Variants in RFX4 observed in about 807,000 individuals in gnomAD.
RFX4 encodes the protein transcription factor RFX4.
In RFX4, 10 loss-of-function variants were observed where a neutral mutation model predicts 95.0. The ratio of observed to expected loss-of-function variants is 0.11; its 90% CI spans 0.06 to 0.18. The LOEUF is 0.18. Among genes scored for constraint, RFX4 ranks in the 10% least tolerant of loss-of-function variants. The pLI is 1.00. For synonymous variants in RFX4, 321 were observed against 340.7 expected (o/e 0.94, Z 0.64); for missense variants, 640 against 922.0 (o/e 0.69, Z 3.96).
At position 106,753,684 on chromosome 12, in the gene RFX4, T is replaced by C. The variant is rs138260775; in HGVS notation, c.1935+2891T>C. Among the ~76,000 whole-genome samples the C allele has an allele frequency of 6.2e-3, 941 of 152,162 alleles. 4 individuals carry two copies. Among genetic ancestry groups the C allele is most frequent in the Admixed American group, 0.01 (156 of 15,282 alleles). The stretch of plus-strand genomic sequence containing the variant: ...GACTCACAGTAACCTGCCTGAGGGG[T>C]TGAACCCAGGCGCTGTGACTCCTGT... On this transcript the variant is annotated intron_variant, in intron 17 of 17. Coordinates refer to ENST00000392842, the MANE Select transcript of RFX4 (RefSeq NM_213594.3).
intron 4 of RFX4, among the ~76,000 whole-genome samples, chr12:106,676,392 A>G (rs151166689): frequency 5.8e-4 from 88 of 152,316 alleles, no homozygotes; most frequent in African/African-American, 2.1e-3. Context: ...AGATGGAAGC[A>G]AAGAGTGGTG....
intron 1 of RFX4, among the ~76,000 whole-genome samples, chr12:106,604,422 G>A (rs762425297): frequency 1.3e-4 from 19 of 151,860 alleles, no homozygotes; most frequent in South Asian, 2.1e-4. Flanking sequence ...ACACCTGGCC[G>A]CTACAGCTTC....
Position 106,732,096 on chromosome 12 carries a change from G to T in RFX4, c.1352-34G>T. On this transcript the variant is annotated intron_variant, in intron 13 of 17. Coordinates refer to ENST00000392842, the MANE Select transcript of RFX4 (RefSeq NM_213594.3). Reference sequence around the variant, plus strand: ...AGAGGGGGCATACACGAGACAGCACGACTTACTTTCTGTTTGATCCTTTTT... The same window carrying T: ...AGAGGGGGCATACACGAGACAGCACTACTTACTTTCTGTTTGATCCTTTTT... The T allele has an allele frequency of 1.9e-6, 3 of 1,608,666 alleles. No homozygotes were observed. The South Asian group carries it at 3.3e-5, about 18-fold the overall frequency.
intron 15 of RFX4, 66 bp downstream of exon 15, chr12:106,733,151 G>A (rs1489787164): frequency 6.5e-7 from 1 of 1,536,698 alleles, no homozygotes; most frequent in South Asian, 1.1e-5. Flanking sequence ...CTGCCAGCCT[G>A]GGCAACATAG....
intron 1 of RFX4, among the ~76,000 whole-genome samples, chr12:106,602,667 T>C (rs1295079230): frequency 1.3e-5 from 2 of 152,198 alleles, no homozygotes; most frequent in African/African-American, 4.8e-5. Flanking sequence ...CCTTCGCCCT[T>C]GTGGTCCCCT....
At chr12:106,750,576 G>C (rs2042982856) in intron 16 of RFX4, 79 bp from the exon 17 acceptor site, 1 of 1,280,296 alleles carries the variant, frequency 7.8e-7, no homozygotes, top group African/African-American at 1.5e-5. Context: ...AAAAAAAATA[G>C]ATGAGGTTTT....
At chr12:106,714,547 A>T (rs915905943) in intron 10 of RFX4, among the ~76,000 whole-genome samples, 1 of 152,036 alleles carries the variant, frequency 6.6e-6, no homozygotes, top group Non-Finnish European at 1.5e-5. Context: ...GTGTATTTTA[A>T]TTTTTTTTAT....
intron 11 of RFX4, among the ~76,000 whole-genome samples, chr12:106,715,783 T>A (rs1336268562): frequency 6.6e-6 from 1 of 152,124 alleles, no homozygotes; most frequent in African/African-American, 2.4e-5. Flanking sequence ...CAGCATACAG[T>A]GTCATGCAAA....
chr12:106,717,812 A>G (rs536444064), intron 11 of RFX4, among the ~76,000 whole-genome samples: 1 of 152,346 alleles, frequency 6.6e-6, no homozygotes, highest in African/African-American at 2.4e-5. Context: ...GCAGTCCAGC[A>G]CATGTGCGTC....
At chr12:106,722,124 T>C (rs2042407802) in intron 13 of RFX4, among the ~76,000 whole-genome samples, 1 of 152,272 alleles carries the variant, frequency 6.6e-6, no homozygotes, top group African/African-American at 2.4e-5. Context: ...GGCATTTTGA[T>C]GACTTCCAGT....
intron 3 of RFX4, among the ~76,000 whole-genome samples, chr12:106,643,281 C>T (rs944627987): frequency 1.1e-4 from 17 of 152,158 alleles, no homozygotes; most frequent in Admixed American, 8.5e-4. Flanking sequence ...CACTCCTTCC[C>T]GGGATGGGAG....
At chr12:106,690,378 C>A (rs1190237603) in intron 7 of RFX4, among the ~76,000 whole-genome samples, 1 of 152,138 alleles carries the variant, frequency 6.6e-6, no homozygotes, top group African/African-American at 2.4e-5. Flanking sequence ...AGAAAGAAAA[C>A]TCCCTGCTTT....
chr12:106,758,323 C>T (rs1306439631), intron 17 of RFX4, among the ~76,000 whole-genome samples: 1 of 152,226 alleles, frequency 6.6e-6, no homozygotes, highest in Admixed American at 6.5e-5. Context: ...GAAAACGAGT[C>T]ACTGACTCAT....
chr12:106,708,564 T>C (rs924102690), intron 8 of RFX4, among the ~76,000 whole-genome samples: 2 of 152,014 alleles, frequency 1.3e-5, no homozygotes, highest in Admixed American at 1.3e-4. Context: ...CAGGGCAGGC[T>C]AGGTGGTGTT....
intron 8 of RFX4, among the ~76,000 whole-genome samples, chr12:106,705,254 G>A (rs1200116886): frequency 6.6e-6 from 1 of 152,308 alleles, no homozygotes; most frequent in South Asian, 2.1e-4. Context: ...TGTTATCACC[G>A]TTGTTGCAGT....
Position 106,639,369 on chromosome 12 carries a change from C to T in RFX4, c.168C>T (p.His56=). The T allele has an allele frequency of 6.2e-7, 1 of 1,613,882 alleles. No individual in the cohort carries two copies. The highest frequency in any genetic ancestry group is 8.5e-7 in the Non-Finnish European group (1 of 1,179,874). Residue 56 remains histidine (H), a synonymous_variant, in exon 3 of 18, where the codon CAC becomes CAT. Transcript: ENST00000392842. ...AAAATAATAGAGCATCCAAGCCCCA[C>T]TCCACTCCTGCTACTCTGCAATGGT... ...EKENNRASKP[H]STPATLQWLE... is the part of the protein sequence containing the mutation.
chr12:106,735,148 A>G (rs1025842435), intron 15 of RFX4, among the ~76,000 whole-genome samples: 1 of 152,094 alleles, frequency 6.6e-6, no homozygotes, highest in African/African-American at 2.4e-5. Flanking sequence ...ATAATTGTTG[A>G]AATAATAATT....
intron 15 of RFX4, 185 bp downstream of exon 15, chr12:106,733,270 G>T: frequency 1.7e-6 from 1 of 592,618 alleles, no homozygotes; most frequent in Non-Finnish European, 3.0e-6. Flanking sequence ...CAGGAGCTAC[G>T]ATCGCACCAC....
intron 4 of RFX4, among the ~76,000 whole-genome samples, chr12:106,671,114 T>A (rs1212605591): frequency 2.0e-5 from 3 of 152,178 alleles, no homozygotes; most frequent in Non-Finnish European, 4.4e-5. Flanking sequence ...GACCCACAAC[T>A]CTCATTTTTA....
Sources: allele counts gnomAD v4.1 joint callset (sites outside exome capture counted in the v4.1 genomes callset), GRCh38; gene constraint gnomAD v4.1.1; transcripts MANE v1.5; gene names NCBI Gene and HGNC (gene_info 2026-07-23, HGNC 2026-07-21).